Variants in FRMD4A observed in about 807,000 individuals in gnomAD.
FRMD4A encodes the protein FERM domain containing 4A.
In FRMD4A, 29 loss-of-function variants were observed where a neutral mutation model predicts 129.1. The observed-to-expected ratio is 0.22, with a 90% confidence interval of 0.17 to 0.31. FRMD4A has a LOEUF of 0.31. FRMD4A is among the 10% of genes least tolerant of loss of function. The probability of loss-of-function intolerance (pLI) is 1.00; values close to 1 mark genes in which losing one functional copy is unlikely to be tolerated. For missense variants in FRMD4A, 1,272 were observed against 1,375.8 expected (o/e 0.92, Z 1.19); for synonymous variants, 634 against 571.6 (o/e 1.11, Z -1.56).
chr10:14,287,072 A>T (rs72778695), intron 2 of FRMD4A, among the ~76,000 whole-genome samples: 2,260 of 152,214 alleles, frequency 0.015, 51 homozygotes, highest in South Asian at 0.065. Flanking sequence ...GGCAAAGTCT[A>T]TCTTCTGACT....
At position 14,048,079 on chromosome 10, in the gene FRMD4A, G is replaced by A. The variant is rs75846018; in HGVS notation, c.46-189167C>T. On this transcript the variant is annotated intron_variant, in intron 2 of 24. Transcript: ENST00000357447. The stretch of plus-strand genomic sequence containing the variant: ...AAGAACCCAAGACAAGGTGGGAGGC[G>A]GTAGAGATCTTGTGGAGGAGAAGAA... Among the ~76,000 whole-genome samples, 1,381 of 152,260 alleles carry A rather than the reference G, an allele frequency of 9.1e-3. 64 individuals carry two copies. The East Asian group carries it at 0.13, about 14-fold the overall frequency.
rs1025084210 is a variant in FRMD4A at position 13,706,112 on chromosome 10, C to T, written c.836+925G>A. ...GAGCTGGAATTGGTGCCAAGTCCTC[C>T]TTCTAAGCCCAGGGCTGGAGCGTCA... On this transcript the variant is annotated intron_variant, in intron 13 of 24. Transcript: ENST00000357447. Among the ~76,000 whole-genome samples, 33 of 152,180 alleles carry T rather than the reference C, an allele frequency of 2.2e-4. 2 individuals are homozygous for T.
At chr10:13,796,391 A>T in intron 5 of FRMD4A, 105 bp downstream of exon 5, 1 of 712,310 alleles carries the variant, frequency 1.4e-6, no homozygotes, top group Non-Finnish European at 2.6e-6. Context: ...CTGGCAATGA[A>T]CCAAGACAAA....
intron 2 of FRMD4A, among the ~76,000 whole-genome samples, chr10:14,152,114 GTGC>G (rs1302082504): frequency 0.016 from 1,972 of 124,580 alleles, 48 homozygotes; most frequent in Non-Finnish European, 0.025. Context: ...TGTTTGTGTA[GTGC>G]TTTTTTTTTT....
At chr10:14,194,814 T>C (rs1842427892) in intron 2 of FRMD4A, among the ~76,000 whole-genome samples, 1 of 151,744 alleles carries the variant, frequency 6.6e-6, no homozygotes, top group Non-Finnish European at 1.5e-5. Flanking sequence ...TCTATATTAT[T>C]ATCATATTAT....
At chr10:14,010,065 C>G (rs1016462332) in intron 2 of FRMD4A, among the ~76,000 whole-genome samples, 1 of 151,988 alleles carries the variant, frequency 6.6e-6, no homozygotes, top group African/African-American at 2.4e-5. Context: ...TTTCAGAACA[C>G]TTTATCTGTT....
chr10:13,957,590 CAG>C (rs1470074278), intron 2 of FRMD4A, among the ~76,000 whole-genome samples: 1 of 152,106 alleles, frequency 6.6e-6, no homozygotes, highest in Non-Finnish European at 1.5e-5. Context: ...TTATCATAAA[CAG>C]AGTCCAGAGA....
chr10:14,047,003 C>G (rs912687351), intron 2 of FRMD4A, among the ~76,000 whole-genome samples: 1 of 152,146 alleles, frequency 6.6e-6, no homozygotes, highest in Non-Finnish European at 1.5e-5. Flanking sequence ...TGTCCACAGT[C>G]CTGATTTGTC....
chr10:13,957,323 G>T (rs1439528656), intron 2 of FRMD4A, among the ~76,000 whole-genome samples: 1 of 152,080 alleles, frequency 6.6e-6, no homozygotes, highest in African/African-American at 2.4e-5. Flanking sequence ...GTGCAATCTG[G>T]GCTTACTGCA....
chr10:13,699,314 T>C (rs1229601105), intron 14 of FRMD4A, among the ~76,000 whole-genome samples: 2 of 146,830 alleles, frequency 1.4e-5, no homozygotes, highest in African/African-American at 5.0e-5. Context: ...TGACCTCAAG[T>C]GATCTGCTCT....
intron 3 of FRMD4A, among the ~76,000 whole-genome samples, chr10:13,849,031 G>C (rs1219365836): frequency 6.6e-6 from 1 of 152,194 alleles, no homozygotes; most frequent in African/African-American, 2.4e-5. Flanking sequence ...CCTGGGGGCT[G>C]GGAAGACATC....
At chr10:13,829,976 G>A (rs779132313) in intron 3 of FRMD4A, among the ~76,000 whole-genome samples, 4 of 152,184 alleles carry the variant, frequency 2.6e-5, no homozygotes, top group African/African-American at 7.2e-5. Flanking sequence ...CCTTCCTGTC[G>A]CTGGCACCTG....
chr10:13,903,041 G>T (rs908259190), intron 2 of FRMD4A, among the ~76,000 whole-genome samples: 1 of 151,942 alleles, frequency 6.6e-6, no homozygotes, highest in African/African-American at 2.4e-5. Context: ...ACTGTGCTCC[G>T]GGCACCCTGT....
rs185353657 is a variant in FRMD4A, at chr10:13,993,876, G to A, written c.46-134964C>T. 2.2e-4 allele frequency among the ~76,000 whole-genome samples: 34 copies of A among 151,626 alleles called. No homozygotes were observed. The East Asian group carries it at 5.8e-3, about 26-fold the overall frequency. On this transcript the variant is annotated intron_variant, in intron 2 of 24. Coordinates refer to ENST00000357447, the MANE Select transcript of FRMD4A (RefSeq NM_018027.5). ...TTAAAAAAATATATATTCTGATTTAGCACTAGGATTATGCTGCAGCTGGAG... is the reference window on the plus strand; with the variant it reads ...TTAAAAAAATATATATTCTGATTTAACACTAGGATTATGCTGCAGCTGGAG...
intron 3 of FRMD4A, among the ~76,000 whole-genome samples, chr10:13,820,991 C>T (rs947847257): frequency 2.0e-5 from 3 of 152,118 alleles, no homozygotes; most frequent in Non-Finnish European, 4.4e-5. Flanking sequence ...GGGGAAGGAG[C>T]GCAGCTTTGA....
Position 14,279,122 on chromosome 10 carries a change from G to A in FRMD4A, c.45+50936C>T, listed in dbSNP as rs374673458. The stretch of plus-strand genomic sequence containing the variant: ...TGATTCATGGGTATTTAGAAAGTGA[G>A]AGGTGGATTCACCTGAAACTTATTA... On this transcript the variant is annotated intron_variant, in intron 2 of 24. Coordinates refer to ENST00000357447, the MANE Select transcript of FRMD4A (RefSeq NM_018027.5). Among the ~76,000 whole-genome samples the A allele has an allele frequency of 2.6e-5, 4 of 151,854 alleles. No individual in the cohort carries two copies. The South Asian group carries it at 6.3e-4, about 24-fold the overall frequency.
At position 13,657,477 on chromosome 10, in the gene FRMD4A, G is replaced by T; in HGVS notation, c.2112C>A (p.His704Gln). ...CCAGGCTGGAGCTCCGGTGCCTAAA[G>T]TGCAGTGCGAGGCTGTGCAGTCGGG... ...SPTRLHSLAL[H>Q]FRHRSSSLES... The change falls in exon 22 of 25, where the codon CAC becomes CAA. Residue 704 changes from histidine (H) to glutamine (Q), a missense_variant. This residue lies in a region of FRMD4A where 972 missense variants were observed against 892.3 expected (regional missense o/e 1.09). Transcript: ENST00000357447. 1 of 1,610,324 alleles carries T rather than the reference G, an allele frequency of 6.2e-7. No homozygotes were observed.
chr10:14,008,170 G>GTC, intron 2 of FRMD4A: 1 of 984,882 alleles, frequency 1.0e-6, no homozygotes, highest in Non-Finnish European at 1.3e-6. Flanking sequence ...AGCTGTGTGT[G>GTC]TGTGTGTGTG....
chr10:13,680,702 G>A (rs1342621364), intron 15 of FRMD4A, among the ~76,000 whole-genome samples: 2 of 151,884 alleles, frequency 1.3e-5, no homozygotes, highest in Non-Finnish European at 2.9e-5. Flanking sequence ...CTCCAGCCGG[G>A]GTGACAGAGC....
Sources: gnomAD v4.1 joint callset for allele counts (sites outside exome capture counted in the v4.1 genomes callset) on GRCh38, gnomAD v4.1.1 for gene constraint, gnomAD v4.1.1 regional missense constraint, MANE v1.5 for transcripts, NCBI Gene and HGNC (gene_info 2026-07-23, HGNC 2026-07-21) for gene names.